The following GSK3B variants were observed in gnomAD, a reference collection of about 807,000 sequenced individuals.
GSK3B encodes the protein glycogen synthase kinase-3 beta.
Under a neutral mutation model 56.4 loss-of-function variants are expected in GSK3B, and 15 were observed. That is an observed-to-expected ratio of 0.27 (90% confidence interval 0.18 to 0.41). GSK3B has a LOEUF of 0.41. Among genes scored for constraint, GSK3B ranks in the 10% least tolerant of loss-of-function variants. The probability of loss-of-function intolerance (pLI) is 1.00; values close to 1 mark genes in which losing one functional copy is unlikely to be tolerated. For synonymous variants in GSK3B, 181 were observed against 188.9 expected (o/e 0.96, Z 0.34); for missense variants, 300 against 513.4 (o/e 0.58, Z 4.02).
intron 1 of GSK3B, among the ~76,000 whole-genome samples, chr3:120,038,026 T>C (rs896191232): frequency 2.0e-5 from 3 of 152,162 alleles, no homozygotes; most frequent in Admixed American, 1.3e-4. Context: ...CAATTTATAT[T>C]AAATATTGTT....
chr3:119,895,191 C>T (rs1365042112), intron 7 of GSK3B, among the ~76,000 whole-genome samples: 1 of 152,070 alleles, frequency 6.6e-6, no homozygotes, highest in Non-Finnish European at 1.5e-5. Flanking sequence ...TCTTTCTATG[C>T]CTGACTTACT....
At chr3:119,861,176 C>T (rs991593728) in intron 9 of GSK3B, among the ~76,000 whole-genome samples, 1 of 152,158 alleles carries the variant, frequency 6.6e-6, no homozygotes, top group Admixed American at 6.5e-5. Flanking sequence ...TTTGGAAACA[C>T]TGCTCCAAAA....
chr3:119,842,958 C>T (rs1339426625), intron 10 of GSK3B, among the ~76,000 whole-genome samples: 1 of 151,930 alleles, frequency 6.6e-6, no homozygotes, highest in East Asian at 1.9e-4. Context: ...CTCTGTTGCC[C>T]AGGCTGGAGT....
At chr3:119,830,535 A>T (rs1208008772) in intron 10 of GSK3B, among the ~76,000 whole-genome samples, 1 of 152,200 alleles carries the variant, frequency 6.6e-6, no homozygotes, top group Non-Finnish European at 1.5e-5. Flanking sequence ...TTCTCCTTAC[A>T]TTCCCTTCCC....
intron 5 of GSK3B, among the ~76,000 whole-genome samples, chr3:119,915,150 A>G (rs2107456744): frequency 6.6e-6 from 1 of 152,240 alleles, no homozygotes; most frequent in Non-Finnish European, 1.5e-5. Context: ...GTTGTATTAC[A>G]AATTCACAGT....
chr3:119,885,035 T>C (rs1419651404), intron 7 of GSK3B, among the ~76,000 whole-genome samples: 2 of 151,646 alleles, frequency 1.3e-5, no homozygotes, highest in African/African-American at 4.8e-5. Flanking sequence ...AATAGAAAAA[T>C]AAGTAGTTAA....
chr3:119,926,068 T>C (rs2056886432), intron 3 of GSK3B, among the ~76,000 whole-genome samples: 1 of 152,168 alleles, frequency 6.6e-6, no homozygotes, highest in Non-Finnish European at 1.5e-5. Context: ...CCTATTCTCC[T>C]TGATCTCTTA....
chr3:119,967,865 T>TCC (rs1213174110), intron 2 of GSK3B, among the ~76,000 whole-genome samples: 1 of 138,284 alleles, frequency 7.2e-6, no homozygotes, highest in Non-Finnish European at 1.6e-5. Context: ...TCTCTCTCTC[T>TCC]CCTTTCTTTC....
At chr3:119,877,097 C>T (rs1422863798) in intron 7 of GSK3B, among the ~76,000 whole-genome samples, 3 of 152,118 alleles carry the variant, frequency 2.0e-5, no homozygotes, top group Admixed American at 1.3e-4. Flanking sequence ...CATAGACAGA[C>T]TTCTATGATA....
rs1398015739 is a variant in GSK3B at position 119,821,533 on chromosome 3, C to T, written c.*5255G>A. On this transcript the variant is annotated 3_prime_UTR_variant, in exon 11 of 11. Transcript: ENST00000264235. ...ACCTGGGAGGTACAGCCCCACTGTTCGTGGTGTCCATATATTTTACAGAGA... is the reference window on the plus strand; with the variant it reads ...ACCTGGGAGGTACAGCCCCACTGTTTGTGGTGTCCATATATTTTACAGAGA... 1 of 152,180 alleles carries T rather than the reference C, an allele frequency of 6.6e-6. No homozygotes were observed. Among genetic ancestry groups the T allele is most frequent in the Non-Finnish European group, 1.5e-5 (1 of 68,054 alleles). The allele number at this position is 152,180 out of a possible 1,614,324, so 9.4% of individuals were successfully genotyped here.
intron 2 of GSK3B, among the ~76,000 whole-genome samples, chr3:119,975,916 T>G (rs747484022): frequency 1.3e-5 from 2 of 152,180 alleles, no homozygotes; most frequent in South Asian, 2.1e-4. Context: ...AAACTACAAC[T>G]GTTCAAATAG....
At chr3:119,965,104 G>GT (rs1337673396) in intron 2 of GSK3B, among the ~76,000 whole-genome samples, 4 of 144,914 alleles carry the variant, frequency 2.8e-5, no homozygotes, top group African/African-American at 7.7e-5. Flanking sequence ...CCAGGCTGGA[G>GT]TGCAGTGGTG....
intron 1 of GSK3B, among the ~76,000 whole-genome samples, chr3:120,032,549 T>C (rs1273726319): frequency 1.3e-5 from 2 of 151,992 alleles, no homozygotes; most frequent in East Asian, 3.9e-4. Context: ...AGCAGTGGCA[T>C]GTTCCTGTAG....
At chr3:119,932,588 A>C (rs2056957213) in intron 3 of GSK3B, among the ~76,000 whole-genome samples, 1 of 152,018 alleles carries the variant, frequency 6.6e-6, no homozygotes, top group African/African-American at 2.4e-5. Flanking sequence ...AAAAGAGCTA[A>C]GCCATGGAGA....
intron 8 of GSK3B, among the ~76,000 whole-genome samples, chr3:119,868,478 G>A (rs1577326844): frequency 6.6e-6 from 1 of 152,162 alleles, no homozygotes; most frequent in African/African-American, 2.4e-5. Context: ...ATTTCAACCT[G>A]GAGCTAAGTG....
intron 2 of GSK3B, among the ~76,000 whole-genome samples, chr3:119,959,764 A>G (rs1375218289): frequency 1.3e-5 from 2 of 151,122 alleles, no homozygotes; most frequent in Non-Finnish European, 3.0e-5. Flanking sequence ...TGATCCTCCA[A>G]CCTCAGCCTC....
chr3:120,070,819 A>G (rs1205371980), intron 1 of GSK3B, among the ~76,000 whole-genome samples: 1 of 152,200 alleles, frequency 6.6e-6, no homozygotes, highest in Non-Finnish European at 1.5e-5. Context: ...CATTATAACC[A>G]CACAGTGCCA....
intron 8 of GSK3B, among the ~76,000 whole-genome samples, chr3:119,870,990 CCCTCTAGGCCTCTCTGA>C (rs1445900588): frequency 5.9e-5 from 9 of 152,022 alleles, no homozygotes; most frequent in Non-Finnish European, 1.5e-5. Context: ...TTGTTTTGTG[CCCTCTAGGCCTCTCTGA>C]AGGCATTTTA....
At chr3:119,864,080 A>G (rs968093855) in intron 8 of GSK3B, among the ~76,000 whole-genome samples, 1 of 152,188 alleles carries the variant, frequency 6.6e-6, no homozygotes, top group African/African-American at 2.4e-5. Flanking sequence ...AGGTCTATAA[A>G]TGCTACTGAT....
Sources: gnomAD v4.1 joint callset for allele counts (sites outside exome capture counted in the v4.1 genomes callset) on GRCh38, gnomAD v4.1.1 for gene constraint, MANE v1.5 for transcripts, NCBI Gene and HGNC (gene_info 2026-07-23, HGNC 2026-07-21) for gene names.